The following PRR16 variants were observed in gnomAD, a reference collection of about 807,000 sequenced individuals.
The protein encoded by PRR16 is proline rich 16.
In PRR16, 6 loss-of-function variants were observed where a neutral mutation model predicts 18.2. The observed-to-expected ratio is 0.33, with a 90% confidence interval of 0.18 to 0.65. PRR16 has a LOEUF of 0.65. Ranked by LOEUF, PRR16 falls within the 30% of genes least tolerant of loss-of-function variation. The probability of loss-of-function intolerance (pLI) is 0.74; values close to 1 mark genes in which losing one functional copy is unlikely to be tolerated. For missense variants in PRR16, 412 were observed against 376.6 expected, an observed-to-expected ratio of 1.09 and a Z score of -0.78; for synonymous variants, 151 against 147.8, an observed-to-expected ratio of 1.02 and a Z score of -0.16.
the PRR16 span, among the ~76,000 whole-genome samples, chr5:120,783,085 C>T: frequency 6.6e-6 from 1 of 152,160 alleles, no homozygotes; most frequent in East Asian, 1.9e-4. Flanking sequence ...CTCAGGAAAA[C>T]AGGTGCAGCC....
intron 1 of PRR16, among the ~76,000 whole-genome samples, chr5:120,660,335 C>T (rs1262386247): frequency 3.3e-5 from 5 of 152,016 alleles, no homozygotes; most frequent in Non-Finnish European, 7.4e-5. Context: ...CATTGACAGA[C>T]ATCACTTTAA....
intron 1 of PRR16, among the ~76,000 whole-genome samples, chr5:120,485,573 AAC>A (rs996057761): frequency 6.6e-6 from 1 of 152,200 alleles, no homozygotes; most frequent in African/African-American, 2.4e-5. Context: ...AATAGAGTAA[AAC>A]ACAGTGAACT....
At chr5:120,793,905 A>G in the PRR16 span, among the ~76,000 whole-genome samples, 4 of 152,278 alleles carry the variant, frequency 2.6e-5, no homozygotes, top group East Asian at 7.7e-4. Context: ...TGGTAACACA[A>G]TGATAATTGT....
chr5:120,762,583 C>G, the PRR16 span, among the ~76,000 whole-genome samples: 2 of 152,146 alleles, frequency 1.3e-5, no homozygotes, highest in African/African-American at 4.8e-5. Context: ...ATTTGTATGT[C>G]TCCTTTTGAG....
At chr5:120,579,841 G>T (rs1332246897) in intron 1 of PRR16, among the ~76,000 whole-genome samples, 1 of 152,140 alleles carries the variant, frequency 6.6e-6, no homozygotes, top group African/African-American at 2.4e-5. Flanking sequence ...CATTTTCACA[G>T]TATTGATTCT....
chr5:120,779,102 G>A, the PRR16 span, among the ~76,000 whole-genome samples: 3 of 152,012 alleles, frequency 2.0e-5, no homozygotes, highest in Admixed American at 6.6e-5. Flanking sequence ...ATATGCACAC[G>A]TTAACATTAG....
chr5:120,740,340 C>T, the PRR16 span, among the ~76,000 whole-genome samples: 1 of 152,264 alleles, frequency 6.6e-6, no homozygotes, highest in African/African-American at 2.4e-5. Context: ...AGTTTATCTA[C>T]ATTTTCTTTA....
chr5:120,519,081 A>G (rs1751089954), intron 1 of PRR16, among the ~76,000 whole-genome samples: 1 of 152,134 alleles, frequency 6.6e-6, no homozygotes, highest in Non-Finnish European at 1.5e-5. Context: ...CTAATTGAAT[A>G]TAACCTGCAA....
At chr5:120,628,903 T>G (rs1754965552) in intron 1 of PRR16, among the ~76,000 whole-genome samples, 1 of 152,096 alleles carries the variant, frequency 6.6e-6, no homozygotes, top group South Asian at 2.1e-4. Context: ...TATTTTAAGT[T>G]CAGAGGTACA....
intron 1 of PRR16, among the ~76,000 whole-genome samples, chr5:120,523,960 G>C (rs1393281558): frequency 6.6e-6 from 1 of 152,142 alleles, no homozygotes; most frequent in African/African-American, 2.4e-5. Context: ...TAGATCACAA[G>C]GGTCAATGTG....
At chr5:120,768,501 G>A in the PRR16 span, among the ~76,000 whole-genome samples, 1 of 151,420 alleles carries the variant, frequency 6.6e-6, no homozygotes, top group Non-Finnish European at 1.5e-5. Context: ...GTCTCTAATT[G>A]ATTATAGAAG....
At chr5:120,489,115 G>A (rs1293454753) in intron 1 of PRR16, among the ~76,000 whole-genome samples, 4 of 152,158 alleles carry the variant, frequency 2.6e-5, no homozygotes, top group African/African-American at 4.8e-5. Flanking sequence ...GTGCTGAAAA[G>A]AATGTATATT....
chr5:120,672,328 A>C (rs1055470189), intron 1 of PRR16, among the ~76,000 whole-genome samples: 1 of 149,962 alleles, frequency 6.7e-6, no homozygotes, highest in Non-Finnish European at 1.5e-5. Flanking sequence ...AATGCCTTAT[A>C]TAAGAACCCA....
chr5:120,499,781 A>G (rs1750386934), intron 1 of PRR16, among the ~76,000 whole-genome samples: 1 of 141,340 alleles, frequency 7.1e-6, no homozygotes, highest in Non-Finnish European at 1.5e-5. Context: ...TTTTTTTTCC[A>G]TTTCATTTGG....
At chr5:120,589,431 AACTTAGTACAAACTCTATTACC>A (rs1030277366) in intron 1 of PRR16, among the ~76,000 whole-genome samples, 4 of 152,108 alleles carry the variant, frequency 2.6e-5, no homozygotes, top group African/African-American at 9.7e-5. Flanking sequence ...AGGGATGTCC[AACTTAGTACAAACTCTATTACC>A]ACTTCACACA....
chr5:120,685,004 T>A (rs1757077531), intron 1 of PRR16, among the ~76,000 whole-genome samples: 1 of 152,148 alleles, frequency 6.6e-6, no homozygotes, highest in Non-Finnish European at 1.5e-5. Flanking sequence ...ACATCTGCTT[T>A]GTATTAGTTT....
At chr5:120,770,778 A>G in the PRR16 span, among the ~76,000 whole-genome samples, 1 of 151,988 alleles carries the variant, frequency 6.6e-6, no homozygotes, top group Non-Finnish European at 1.5e-5. Context: ...TTCACTGACT[A>G]GCTCTCCCTA....
chr5:120,683,574 C>T (rs1757036131), intron 1 of PRR16, among the ~76,000 whole-genome samples: 1 of 151,408 alleles, frequency 6.6e-6, no homozygotes. Flanking sequence ...TAATTGTTCC[C>T]TGTTATTTTT....
the PRR16 span, among the ~76,000 whole-genome samples, chr5:120,766,820 C>A: frequency 6.2e-4 from 94 of 151,924 alleles, no homozygotes; most frequent in African/African-American, 2.1e-3. Context: ...TCTATTAATG[C>A]CAGTAAATGA....
Sources: allele counts gnomAD v4.1 joint callset (sites outside exome capture counted in the v4.1 genomes callset), GRCh38; gene constraint gnomAD v4.1.1; transcripts MANE v1.5; gene names NCBI Gene and HGNC (gene_info 2026-07-23, HGNC 2026-07-21).